Variants in EEF2K observed in about 807,000 individuals in gnomAD.
The protein encoded by EEF2K is eukaryotic elongation factor 2 kinase.
A neutral mutation model predicts 93.8 loss-of-function variants in EEF2K; 70 were observed. The observed-to-expected ratio is 0.75, with a 90% CI of 0.62 to 0.91. EEF2K has a LOEUF of 0.91. Among genes scored for constraint, EEF2K ranks in the 40% least tolerant of loss-of-function variants. The pLI is 0.00. For missense variants in EEF2K, 935 were observed against 972.9 expected, an observed-to-expected ratio of 0.96 and a Z score of 0.52; for synonymous variants, 376 against 380.8, an observed-to-expected ratio of 0.99 and a Z score of 0.15.
chr16:22,225,729 C>T lies in EEF2K; in HGVS notation c.-1C>T. On this transcript the variant is annotated 5_prime_UTR_variant, in exon 2 of 18. Coordinates refer to ENST00000263026, the MANE Select transcript of EEF2K (RefSeq NM_013302.5). ...TTGGGTAAAACGGGCACCCCAGGAACATGGCAGACGAAGATCTCATCTTCC... is the reference window on the plus strand; with the variant it reads ...TTGGGTAAAACGGGCACCCCAGGAATATGGCAGACGAAGATCTCATCTTCC... 6.2e-7 allele frequency: 1 copy of T among 1,613,958 alleles called. No individual in the cohort carries two copies. Among genetic ancestry groups the T allele is most frequent in the Non-Finnish European group, 8.5e-7 (1 of 1,179,934 alleles).
At position 22,256,730 on chromosome 16, in the gene EEF2K, C is replaced by T. The variant is rs761596131; in HGVS notation, c.619-18C>T. ...GCGCCTGGGCCCTCCCGCCTGAGCC[C>T]ACTCCCCATCCCACCAGGTGGACAT... is the stretch of plus-strand genomic sequence containing the variant. On this transcript the variant is annotated intron_variant, in intron 6 of 17. Transcript: ENST00000263026. The T allele has an allele frequency of 6.8e-6, 11 of 1,612,164 alleles. No homozygotes were observed. The highest frequency in any genetic ancestry group is 9.3e-6 in the Non-Finnish European group (11 of 1,179,266).
intron 2 of EEF2K, among the ~76,000 whole-genome samples, chr16:22,240,365 G>A (rs1358710050): frequency 6.6e-6 from 1 of 152,154 alleles, no homozygotes; most frequent in Admixed American, 6.5e-5. Context: ...GAATTTTAGT[G>A]ATTTGTTTAC....
intron 1 of EEF2K, among the ~76,000 whole-genome samples, chr16:22,217,463 G>C (rs1475992655): frequency 6.6e-6 from 1 of 151,736 alleles, no homozygotes; most frequent in Non-Finnish European, 1.5e-5. Flanking sequence ...GGCTGGGTTT[G>C]GACAGAGTCT....
In EEF2K at chr16:22,263,152, C is replaced by G. The variant is rs151195585; in HGVS notation, c.1342C>G (p.Arg448Gly). The change falls in exon 12 of 18, where the codon CGG (arginine) becomes GGG (glycine). Residue 448 changes from arginine (R) to glycine (G), a missense_variant. Transcript: ENST00000263026. Reference protein sequence around the residue: ...SGDSGYPSEKRGELDDPEPRE... With the variant: ...SGDSGYPSEKGGELDDPEPRE... Reference sequence around the variant, plus strand: ...GGACAGCGGATACCCCAGTGAGAAGCGGGGTGAGCTGGATGACCCTGAGCC... The same window carrying G: ...GGACAGCGGATACCCCAGTGAGAAGGGGGGTGAGCTGGATGACCCTGAGCC... 5.5e-5 allele frequency: 88 copies of G among 1,612,316 alleles called. No homozygotes were observed. Among genetic ancestry groups the G allele is most frequent in the Non-Finnish European group, 7.0e-5 (82 of 1,179,172 alleles).
chr16:22,243,966 G>A (rs2047254680), intron 2 of EEF2K, among the ~76,000 whole-genome samples: 2 of 132,040 alleles, frequency 1.5e-5, no homozygotes, highest in Non-Finnish European at 3.2e-5. Context: ...AGTGGCTCAC[G>A]CCTGTAATGT....
chr16:22,243,033 G>A (rs996696678), intron 2 of EEF2K, among the ~76,000 whole-genome samples: 2 of 151,690 alleles, frequency 1.3e-5, no homozygotes, highest in South Asian at 2.1e-4. Context: ...ACTGCACTCC[G>A]GCCTGGGGAC....
intron 1 of EEF2K, among the ~76,000 whole-genome samples, chr16:22,207,182 A>T (rs2046871796): frequency 6.6e-6 from 1 of 152,144 alleles, no homozygotes; most frequent in Non-Finnish European, 1.5e-5. Flanking sequence ...ATGTGTGCCA[A>T]GGGGCTGGGC....
chr16:22,260,839 C>T (rs1353336371), intron 11 of EEF2K, among the ~76,000 whole-genome samples: 1 of 152,182 alleles, frequency 6.6e-6, no homozygotes, highest in African/African-American at 2.4e-5. Flanking sequence ...TTTGACCCCA[C>T]ATGTGTTGGT....
chr16:22,235,862 A>G (rs2047162673), intron 2 of EEF2K, among the ~76,000 whole-genome samples: 1 of 152,148 alleles, frequency 6.6e-6, no homozygotes, highest in Non-Finnish European at 1.5e-5. Context: ...CAGTGGCACA[A>G]TCATGGGTCA....
chr16:22,280,844 G>T (rs1236386729), intron 17 of EEF2K, among the ~76,000 whole-genome samples: 3 of 151,944 alleles, frequency 2.0e-5, no homozygotes, highest in Admixed American at 6.6e-5. Flanking sequence ...TGTATTTTTA[G>T]TAGAGACAGG....
chr16:22,281,850 A>C (rs1174299917), intron 17 of EEF2K, among the ~76,000 whole-genome samples: 1 of 152,234 alleles, frequency 6.6e-6, no homozygotes, highest in African/African-American at 2.4e-5. Context: ...TTGTGTGGAT[A>C]TACAGCCTTT....
At chr16:22,273,564 G>A (rs972728652) in intron 15 of EEF2K, 62 bp from the exon 16 acceptor site, 45 of 1,587,944 alleles carry the variant, frequency 2.8e-5, no homozygotes, top group Non-Finnish European at 3.9e-5. Flanking sequence ...GTGAGATCTT[G>A]GCAGCCCTCG....
intron 2 of EEF2K, among the ~76,000 whole-genome samples, chr16:22,240,895 A>C (rs56357712): frequency 6.6e-6 from 1 of 151,852 alleles, no homozygotes; most frequent in Non-Finnish European, 1.5e-5. Flanking sequence ...TCAGCCTCCC[A>C]AGTAGCTGGG....
intron 2 of EEF2K, among the ~76,000 whole-genome samples, chr16:22,234,029 C>T (rs1299423481): frequency 6.6e-6 from 1 of 152,220 alleles, no homozygotes; most frequent in Non-Finnish European, 1.5e-5. Flanking sequence ...TGTCCTGCCA[C>T]AAACAGCACT....
chr16:22,287,723 G>A lies in EEF2K; in HGVS notation c.*3727G>A, dbSNP rs978728680. 1 of 152,192 alleles carries A rather than the reference G, an allele frequency of 6.6e-6. No individual in the cohort carries two copies. The highest frequency in any genetic ancestry group is 1.5e-5 in the Non-Finnish European group (1 of 68,044). 9.4% of individuals were successfully genotyped at this position (152,192 alleles called of 1,614,324 possible). On this transcript the variant is annotated 3_prime_UTR_variant, in exon 18 of 18. Transcript: ENST00000263026. ...AAGCGAAAAAAACTCCCAAACCCCAGTGTTCCTGAATATCTGTTCTCCCCC... is the reference window on the plus strand; with the variant it reads ...AAGCGAAAAAAACTCCCAAACCCCAATGTTCCTGAATATCTGTTCTCCCCC...
chr16:22,249,778 T>A (rs1198156353), intron 4 of EEF2K, among the ~76,000 whole-genome samples: 1 of 151,956 alleles, frequency 6.6e-6, no homozygotes, highest in East Asian at 1.9e-4. Flanking sequence ...CAGTCAATTT[T>A]TAAAAATTTT....
chr16:22,249,088 G>C (rs2047323809), intron 4 of EEF2K, among the ~76,000 whole-genome samples: 1 of 149,504 alleles, frequency 6.7e-6, no homozygotes, highest in African/African-American at 2.5e-5. Flanking sequence ...TCTCACCTTA[G>C]CCTCCCAAGT....
Position 22,266,479 on chromosome 16 carries a change from T to A in EEF2K, c.1530T>A (p.Asn510Lys). ...TGGCCCTGGAAGTGCAAAGGCTTAA[T>A]GCTCTGGACCTCGAAAAGAAAATCG... ...SAVALEVQRL[N>K]ALDLEKKIGK... Residue 510 changes from asparagine to lysine, a missense_variant, in exon 14 of 18, where the codon AAT becomes AAA. Asn to Lys is a moderately conservative substitution (Grantham distance 94). Transcript: ENST00000263026. 3.7e-6 allele frequency: 6 copies of A among 1,614,210 alleles called. No individual in the cohort carries two copies. The highest frequency in any genetic ancestry group is 5.1e-6 in the Non-Finnish European group (6 of 1,180,030).
rs569700196 is a variant in EEF2K at position 22,254,564 on chromosome 16, G to A, written c.619-2184G>A. Among the ~76,000 whole-genome samples the A allele has an allele frequency of 5.3e-5, 8 of 152,282 alleles. No homozygotes were observed. In the East Asian group the frequency reaches 1.2e-3, roughly 22 times the overall value. ...GTCCTTGTGTAACAGGGCAAGAGGT[G>A]CAAGCTAGAGTCCCTAATCTCCCCT... On this transcript the variant is annotated intron_variant, in intron 6 of 17. Transcript: ENST00000263026.
Sources: allele counts gnomAD v4.1 joint callset (sites outside exome capture counted in the v4.1 genomes callset), GRCh38; gene constraint gnomAD v4.1.1; transcripts MANE v1.5; gene names NCBI Gene and HGNC (gene_info 2026-07-23, HGNC 2026-07-21).